SDK1: variants seen among roughly 807,000 people sequenced by gnomAD.
SDK1 encodes the protein protein sidekick-1.
Under a neutral mutation model 245.5 loss-of-function variants are expected in SDK1, and 157 were observed. The observed-to-expected ratio is 0.64, with a 90% CI of 0.56 to 0.73. SDK1 has a LOEUF of 0.73. Among genes scored for constraint, SDK1 ranks in the 30% least tolerant of loss-of-function variants. The pLI, the probability that SDK1 is intolerant of heterozygous loss-of-function variation, is 0.00. For missense variants in SDK1, 3,583 were observed against 3,002.3 expected, an observed-to-expected ratio of 1.19 and a Z score of -4.52; for synonymous variants, 1,647 against 1,278.5, an observed-to-expected ratio of 1.29 and a Z score of -6.15.
intron 1 of SDK1, among the ~76,000 whole-genome samples, chr7:3,336,882 G>A (rs918528040): frequency 2.0e-5 from 3 of 152,180 alleles, no homozygotes; most frequent in Non-Finnish European, 2.9e-5. Context: ...GGTGGGGAGT[G>A]GGGGGCTAGT....
At chr7:3,393,476 G>A (rs1352576907) in intron 1 of SDK1, among the ~76,000 whole-genome samples, 1 of 152,100 alleles carries the variant, frequency 6.6e-6, no homozygotes, top group African/African-American at 2.4e-5. Context: ...CTATAGCTAT[G>A]TGAAGTGGTA....
At position 3,913,050 on chromosome 7, in the gene SDK1, A is replaced by C. The variant is rs144620138; in HGVS notation, c.848-37873A>C. 3.1e-3 allele frequency among the ~76,000 whole-genome samples: 467 copies of C among 152,284 alleles called. 3 individuals carry two copies. The highest frequency in any genetic ancestry group is 0.011 in the African/African-American group (437 of 41,548). On this transcript the variant is annotated intron_variant, in intron 5 of 44. Transcript: ENST00000404826. ...CTTCTAAAGTGAGAGCTTGTGATTA[A>C]GGAGGGTTTAATGACAGGGAAAACA...
Position 3,869,086 on chromosome 7 carries a change from AT to A in SDK1, c.847+47512del, listed in dbSNP as rs758397644. 3.2e-3 allele frequency among the ~76,000 whole-genome samples: 472 copies of A among 146,796 alleles called. 5 individuals are homozygous for A. Among genetic ancestry groups the A allele is most frequent in the African/African-American group, 0.011 (446 of 39,694 alleles). ...GGCTGCAAAGCGTTGTCAATTGAAG[AT>A]TTTTTTTTCCCCCAAAAAAGAGGAA... is the stretch of plus-strand genomic sequence containing the variant. On this transcript the variant is annotated intron_variant, in intron 5 of 44. Transcript: ENST00000404826.
At chr7:4,121,662 A>G (rs1289072586) in intron 25 of SDK1, among the ~76,000 whole-genome samples, 1 of 152,216 alleles carries the variant, frequency 6.6e-6, no homozygotes, top group Non-Finnish European at 1.5e-5. Context: ...GGGGAATCAC[A>G]TAGAGCCCTT....
chr7:3,536,201 C>T lies in SDK1; in HGVS notation c.299-82879C>T, dbSNP rs540060665. On this transcript the variant is annotated intron_variant, in intron 1 of 44. Transcript: ENST00000404826. Reference sequence around the variant, plus strand: ...CCTCCCAAGTAGCTGTGACTACAGGCGCCCGCCACCACACCCAGCTAATTT... The same window carrying T: ...CCTCCCAAGTAGCTGTGACTACAGGTGCCCGCCACCACACCCAGCTAATTT... Among the ~76,000 whole-genome samples the T allele has an allele frequency of 2.5e-3, 385 of 151,318 alleles. 2 individuals carry two copies. Among genetic ancestry groups the T allele is most frequent in the African/African-American group, 8.6e-3 (354 of 41,274 alleles).
intron 1 of SDK1, among the ~76,000 whole-genome samples, chr7:3,602,108 T>C (rs1310600746): frequency 1.3e-5 from 2 of 152,034 alleles, no homozygotes; most frequent in East Asian, 3.9e-4. Context: ...TCCAAGTCTT[T>C]GCTGTTGTGA....
At chr7:3,824,004 A>G (rs1293780753) in intron 5 of SDK1, among the ~76,000 whole-genome samples, 5 of 148,658 alleles carry the variant, frequency 3.4e-5, no homozygotes, top group Admixed American at 6.7e-5. Flanking sequence ...GAAAACCTCT[A>G]AAAGTCAGAA....
chr7:4,051,182 A>C (rs967462602), intron 18 of SDK1, among the ~76,000 whole-genome samples: 2 of 140,714 alleles, frequency 1.4e-5, no homozygotes. Flanking sequence ...TATATTATAC[A>C]TTATATATGT....
chr7:4,108,200 G>A (rs987130459), intron 22 of SDK1, among the ~76,000 whole-genome samples: 2 of 152,138 alleles, frequency 1.3e-5, no homozygotes, highest in Non-Finnish European at 1.5e-5. Flanking sequence ...TCACAGACGC[G>A]ATGGAGGAAG....
At chr7:3,742,010 A>ATATATATATATATG (rs1779490847) in intron 4 of SDK1, among the ~76,000 whole-genome samples, 2 of 149,038 alleles carry the variant, frequency 1.3e-5, no homozygotes, top group Non-Finnish European at 3.0e-5. Context: ...ATATATATAT[A>ATATATATATATATG]TATGCTGTAT....
chr7:3,788,165 G>T (rs1474348202), intron 4 of SDK1, among the ~76,000 whole-genome samples: 2 of 152,160 alleles, frequency 1.3e-5, no homozygotes, highest in African/African-American at 2.4e-5. Context: ...CTCTGGGAGA[G>T]AGTGCTCGGG....
At chr7:3,498,043 T>C (rs1183744593) in intron 1 of SDK1, among the ~76,000 whole-genome samples, 1 of 152,222 alleles carries the variant, frequency 6.6e-6, no homozygotes, top group Non-Finnish European at 1.5e-5. Flanking sequence ...TTAAAGAAAC[T>C]AACACTCCAA....
At chr7:3,390,573 A>G (rs949403197) in intron 1 of SDK1, among the ~76,000 whole-genome samples, 1 of 152,216 alleles carries the variant, frequency 6.6e-6, no homozygotes, top group African/African-American at 2.4e-5. Context: ...GTCATACAGG[A>G]TTAGACCGGA....
intron 4 of SDK1, among the ~76,000 whole-genome samples, chr7:3,706,674 T>A (rs920170971): frequency 2.0e-5 from 3 of 152,214 alleles, no homozygotes; most frequent in African/African-American, 7.2e-5. Context: ...AGTGCTGGGA[T>A]TATAGGCGTG....
At chr7:4,214,143 G>C (rs1356773751) in intron 38 of SDK1, among the ~76,000 whole-genome samples, 1 of 152,078 alleles carries the variant, frequency 6.6e-6, no homozygotes, top group African/African-American at 2.4e-5. Context: ...GACGAGGGTT[G>C]GGATTTGAAC....
intron 1 of SDK1, among the ~76,000 whole-genome samples, chr7:3,544,258 C>G (rs17133535): frequency 0.23 from 34,905 of 152,206 alleles, 4,340 homozygotes; most frequent in East Asian, 0.36. Flanking sequence ...CAGTTTATAA[C>G]TGCCAGAATA....
intron 28 of SDK1, among the ~76,000 whole-genome samples, chr7:4,143,950 G>A (rs1267576343): frequency 6.6e-6 from 1 of 152,208 alleles, no homozygotes; most frequent in Non-Finnish European, 1.5e-5. Flanking sequence ...AGCCGCTGTG[G>A]TCACGCTCTC....
At chr7:3,794,093 C>T (rs1240196415) in intron 4 of SDK1, among the ~76,000 whole-genome samples, 3 of 152,122 alleles carry the variant, frequency 2.0e-5, no homozygotes, top group African/African-American at 7.2e-5. Context: ...CTCTTTGAAT[C>T]TATTTTACGT....
intron 5 of SDK1, among the ~76,000 whole-genome samples, chr7:3,841,720 G>A (rs1048975338): frequency 5.9e-5 from 9 of 151,966 alleles, no homozygotes; most frequent in Non-Finnish European, 1.5e-5. Context: ...CCGCCACCAT[G>A]CCTGGCTAAT....
Sources: allele counts gnomAD v4.1 joint callset (sites outside exome capture counted in the v4.1 genomes callset), GRCh38; gene constraint gnomAD v4.1.1; transcripts MANE v1.5; gene names NCBI Gene and HGNC (gene_info 2026-07-23, HGNC 2026-07-21).